PCNX2: variants seen among roughly 807,000 people sequenced by gnomAD.
PCNX2 encodes pecanex 2.
In PCNX2, 168 loss-of-function variants were observed where a neutral mutation model predicts 223.8. The observed-to-expected ratio is 0.75, with a 90% CI of 0.66 to 0.85. PCNX2 has a LOEUF of 0.85. Ranked by LOEUF, PCNX2 falls within the 40% of genes least tolerant of loss-of-function variation. The probability of loss-of-function intolerance (pLI) is 0.00; values close to 1 mark genes in which losing one functional copy is unlikely to be tolerated. For synonymous variants in PCNX2, 1,006 were observed against 1,052.6 expected (o/e 0.96, Z 0.86); for missense variants, 2,507 against 2,675.5 (o/e 0.94, Z 1.39).
chr1:233,288,814 T>C, intron 1 of PCNX2: 1 of 744,886 alleles, frequency 1.3e-6, no homozygotes, highest in Non-Finnish European at 2.1e-6. Context: ...CTTTTTTTTT[T>C]TTTTTTTTTT....
chr1:233,063,693 T>G (rs1168383443), intron 23 of PCNX2, among the ~76,000 whole-genome samples: 5 of 152,214 alleles, frequency 3.3e-5, no homozygotes, highest in Non-Finnish European at 5.9e-5. Context: ...TTTGAAAATT[T>G]TCTATTATTT....
At chr1:233,183,537 G>A (rs570133038) in intron 15 of PCNX2, among the ~76,000 whole-genome samples, 1 of 152,316 alleles carries the variant, frequency 6.6e-6, no homozygotes, top group Admixed American at 6.5e-5. Flanking sequence ...TCAGAGAAAA[G>A]GCAATCTCCT....
chr1:233,290,930 G>T (rs1294327), intron 1 of PCNX2: 376,301 of 985,092 alleles, frequency 0.38, 74,250 homozygotes, highest in African/African-American at 0.63. Context: ...AATGTTGCCC[G>T]GCATGGGGTC....
chr1:233,034,108 G>A (rs4649428), intron 25 of PCNX2, among the ~76,000 whole-genome samples: 21,134 of 152,018 alleles, frequency 0.14, 1,541 homozygotes, highest in East Asian at 0.22. Flanking sequence ...GCTTCTTGGG[G>A]GGCTGAGGCA....
chr1:233,160,245 CCT>C, intron 19 of PCNX2, 36 bp downstream of exon 19: 1 of 1,522,716 alleles, frequency 6.6e-7, no homozygotes, highest in Non-Finnish European at 9.1e-7. Flanking sequence ...ACCTACCCCT[CCT>C]TTTTTTTTTT....
chr1:233,150,291 T>C (rs185663352), intron 19 of PCNX2, among the ~76,000 whole-genome samples: 71 of 152,264 alleles, frequency 4.7e-4, no homozygotes, highest in Non-Finnish European at 4.6e-4. Flanking sequence ...GGGTACTGGG[T>C]TTGCTTCTGC....
chr1:233,084,851 C>T (rs1673523462), intron 23 of PCNX2, among the ~76,000 whole-genome samples: 1 of 152,178 alleles, frequency 6.6e-6, no homozygotes, highest in African/African-American at 2.4e-5. Flanking sequence ...CTATTATACA[C>T]TGCATTTGCT....
chr1:233,304,247 G>A, the PCNX2 span, among the ~76,000 whole-genome samples: 4 of 152,144 alleles, frequency 2.6e-5, no homozygotes, highest in African/African-American at 7.2e-5. Flanking sequence ...CATGAGCATG[G>A]GGTAGTATTA....
At chr1:233,234,255 G>A (rs1156691628) in intron 9 of PCNX2, among the ~76,000 whole-genome samples, 1 of 152,072 alleles carries the variant, frequency 6.6e-6, no homozygotes, top group Non-Finnish European at 1.5e-5. Flanking sequence ...TTAATTTCCT[G>A]GTGATATCAA....
intron 25 of PCNX2, chr1:233,047,447 G>A: frequency 1.0e-6 from 1 of 971,696 alleles, no homozygotes; most frequent in Non-Finnish European, 1.2e-6. Context: ...CACAGAACTT[G>A]TGACAGAAAC....
At chr1:233,167,183 A>G (rs1678849829) in intron 17 of PCNX2, among the ~76,000 whole-genome samples, 1 of 152,234 alleles carries the variant, frequency 6.6e-6, no homozygotes, top group Non-Finnish European at 1.5e-5. Flanking sequence ...AAATTCTAAT[A>G]TAAATGTAAA....
intron 13 of PCNX2, among the ~76,000 whole-genome samples, chr1:233,207,525 A>G (rs1036384598): frequency 6.6e-6 from 1 of 152,234 alleles, no homozygotes; most frequent in African/African-American, 2.4e-5. Flanking sequence ...CGGAGCAATC[A>G]CTTTGCATAA....
intron 25 of PCNX2, among the ~76,000 whole-genome samples, chr1:233,033,596 A>T (rs1330390258): frequency 2.0e-5 from 3 of 152,264 alleles, no homozygotes; most frequent in Non-Finnish European, 4.4e-5. Flanking sequence ...GGTGAACAAC[A>T]TCCTTAATAA....
intron 20 of PCNX2, among the ~76,000 whole-genome samples, chr1:233,136,075 CA>C (rs1275076529): frequency 6.6e-6 from 1 of 152,200 alleles, no homozygotes. Flanking sequence ...GGCAAATGAT[CA>C]CATGCCAGTG....
Position 233,001,522 on chromosome 1 carries a change from A to AAAAT in PCNX2, c.5097+11_5097+14dup, listed in dbSNP as rs1553271770. ...TAAATAAATAAATAAATAAATAAATAAAATAGGTTTTTACCTGGTGAAGTT... is the reference window on the plus strand; with the variant it reads ...TAAATAAATAAATAAATAAATAAATAAAATAAATAGGTTTTTACCTGGTGAAGTT... On this transcript the variant is annotated intron_variant, in intron 29 of 33. Transcript: ENST00000258229. This position sits in a 1 kb window ranked among gnomAD's most constrained non-coding sequence, Gnocchi z 4.2. 418 of 1,099,994 alleles carry AAAAT rather than the reference A, an allele frequency of 3.8e-4. 2 individuals are homozygous for AAAAT. In the African/African-American group the frequency reaches 7.3e-3, roughly 19 times the overall value. The allele number at this position is 1,099,994 out of a possible 1,614,324, so 68.1% of individuals were successfully genotyped here.
chr1:233,177,859 A>G lies in PCNX2; in HGVS notation c.3216T>C (p.His1072=). The G allele has an allele frequency of 1.2e-6, 2 of 1,613,946 alleles. No individual in the cohort carries two copies. The highest frequency in any genetic ancestry group is 1.7e-6 in the Non-Finnish European group (2 of 1,179,856). The change falls in exon 17 of 34, where the codon CAT becomes CAC. Residue 1072 remains histidine, a synonymous_variant. Transcript: ENST00000258229. ...IQCRLFPKFL[H]QNLAESAADP... The stretch of plus-strand genomic sequence containing the variant: ...CAGCAGCTGACTCTGCCAGATTTTG[A>G]TGTAAAAATTTAGGAAACAGCCTGC...
At chr1:233,161,492 A>C in intron 17 of PCNX2, 129 bp from the exon 18 acceptor site, 1 of 736,896 alleles carries the variant, frequency 1.4e-6, no homozygotes. Flanking sequence ...CTTACCTGAC[A>C]CACTCATTGG....
chr1:233,237,175 T>A (rs1224687625), intron 8 of PCNX2, among the ~76,000 whole-genome samples, 195 bp from the exon 9 acceptor site: 1 of 152,204 alleles, frequency 6.6e-6, no homozygotes, highest in Non-Finnish European at 1.5e-5. Context: ...TTACCCTGCA[T>A]ACATTGAAAT....
the PCNX2 span, among the ~76,000 whole-genome samples, chr1:233,301,178 A>C: frequency 6.6e-6 from 1 of 152,248 alleles, no homozygotes; most frequent in Non-Finnish European, 1.5e-5. Context: ...CTAAAAGTTC[A>C]AAGCTAAGTA....
Sources: allele counts gnomAD v4.1 joint callset (sites outside exome capture counted in the v4.1 genomes callset), GRCh38; gene constraint gnomAD v4.1.1; non-coding constraint Gnocchi (gnomAD v3.1); transcripts MANE v1.5; gene names NCBI Gene and HGNC (gene_info 2026-07-23, HGNC 2026-07-21).